The following ANO2 variants were observed in gnomAD, a reference collection of about 807,000 sequenced individuals.
The protein encoded by ANO2 is anoctamin 2.
In ANO2, 101 loss-of-function variants were observed where a neutral mutation model predicts 124.2. The ratio of observed to expected loss-of-function variants is 0.81; its 90% CI spans 0.69 to 0.96. The LOEUF is 0.96. Among genes scored for constraint, ANO2 ranks in the 40% least tolerant of loss-of-function variants. The pLI is 0.00. For synonymous variants in ANO2, 486 were observed against 482.5 expected, an observed-to-expected ratio of 1.01 and a Z score of -0.09; for missense variants, 1,293 against 1,274.5, an observed-to-expected ratio of 1.01 and a Z score of -0.22.
chr12:5,761,960 T>C (rs1338241282), intron 10 of ANO2, among the ~76,000 whole-genome samples: 1 of 152,154 alleles, frequency 6.6e-6, no homozygotes, highest in Non-Finnish European at 1.5e-5. Flanking sequence ...TAATTTGAGA[T>C]AATGACTAGC....
At chr12:5,767,865 G>A (rs1322835807) in intron 10 of ANO2, among the ~76,000 whole-genome samples, 1 of 152,174 alleles carries the variant, frequency 6.6e-6, no homozygotes, top group Non-Finnish European at 1.5e-5. Flanking sequence ...GACCCTGGAG[G>A]CTAAGCTTGT....
At position 5,892,591 on chromosome 12, in the gene ANO2, T is replaced by C. The variant is rs534124041; in HGVS notation, c.534+28449A>G. On this transcript the variant is annotated intron_variant, in intron 3 of 24. Transcript: ENST00000682330. ...AGTGATTTGAATGACCACAGATTTC[T>C]CATGAGGAGCCATGAAGGTCAGAAG... Among the ~76,000 whole-genome samples the C allele has an allele frequency of 3.9e-5, 6 of 152,318 alleles. No homozygotes were observed. The East Asian group carries it at 1.2e-3, about 29-fold the overall frequency.
At chr12:5,872,609 C>T (rs1360139872) in intron 3 of ANO2, among the ~76,000 whole-genome samples, 1 of 152,182 alleles carries the variant, frequency 6.6e-6, no homozygotes, top group Non-Finnish European at 1.5e-5. Flanking sequence ...TAGAAGAGTG[C>T]ACTTAATAGT....
intron 14 of ANO2, among the ~76,000 whole-genome samples, chr12:5,689,479 T>G (rs925868920): frequency 2.0e-5 from 3 of 152,162 alleles, no homozygotes; most frequent in African/African-American, 7.2e-5. Context: ...AATGTGGGCC[T>G]GGCCTCTCAG....
At position 5,575,911 on chromosome 12, in the gene ANO2, G is replaced by A; in HGVS notation, c.2544C>T (p.Ser848=). 1 of 1,613,790 alleles carries A rather than the reference G, an allele frequency of 6.2e-7. No individual in the cohort carries two copies. Among genetic ancestry groups the A allele is most frequent in the South Asian group, 1.1e-5 (1 of 90,964 alleles). The change falls in exon 23 of 25, where the codon TCC becomes TCT. Residue 848 remains serine, a synonymous_variant. Transcript: ENST00000682330. The part of the protein sequence containing the change: ...TLHGFVNHTL[S]FFNVSQLKEG... ...CCTTCAGCTGGCTGACGTTGAAAAA[G>A]GAGAGGGTGTGGTTGACAAAGCCGT... is the stretch of plus-strand genomic sequence containing the variant.
rs374474246 is a variant in ANO2 at position 5,781,149 on chromosome 12, T to C, written c.1055+18358A>G. 1.2e-4 allele frequency among the ~76,000 whole-genome samples: 19 copies of C among 152,328 alleles called. No homozygotes were observed. In the East Asian group the frequency reaches 1.9e-3, roughly 15 times the overall value. ...GAGCATTGCTGCCCTCATATCACTA[T>C]CAATGACCAGAACTTGGTTAATTAG... On this transcript the variant is annotated intron_variant, in intron 10 of 24. Transcript: ENST00000682330.
intron 10 of ANO2, among the ~76,000 whole-genome samples, chr12:5,762,740 C>G (rs1304225087): frequency 2.6e-5 from 4 of 151,786 alleles, no homozygotes; most frequent in African/African-American, 9.7e-5. Flanking sequence ...TTAAAATGAG[C>G]CTTAATATCA....
At chr12:5,644,120 T>C (rs1946518250) in intron 15 of ANO2, among the ~76,000 whole-genome samples, 2 of 152,200 alleles carry the variant, frequency 1.3e-5, no homozygotes, top group Admixed American at 1.3e-4. Context: ...AAAATATTTT[T>C]TTCTTATATA....
chr12:5,684,626 G>A (rs1948631573), intron 14 of ANO2, among the ~76,000 whole-genome samples: 1 of 152,098 alleles, frequency 6.6e-6, no homozygotes, highest in African/African-American at 2.4e-5. Flanking sequence ...ACTTCACCTA[G>A]GAAACCCACC....
Position 5,769,493 on chromosome 12 carries a change from A to G in ANO2, c.1056-18523T>C, listed in dbSNP as rs1206275322. On this transcript the variant is annotated intron_variant, in intron 10 of 24. Coordinates refer to ENST00000682330, the MANE Select transcript of ANO2 (RefSeq NM_001364791.2). This position sits in a 1 kb window ranked among gnomAD's most constrained non-coding sequence, Gnocchi z 4.0. ...AGGCATACAAGAGATGAGAGCTAGGAAAGTAAATTACAGCAAGAAAAACAA... is the reference window on the plus strand; with the variant it reads ...AGGCATACAAGAGATGAGAGCTAGGGAAGTAAATTACAGCAAGAAAAACAA... Among the ~76,000 whole-genome samples, 1 of 152,228 alleles carries G rather than the reference A, an allele frequency of 6.6e-6. No individual in the cohort carries two copies. The highest frequency in any genetic ancestry group is 1.5e-5 in the Non-Finnish European group (1 of 68,048).
At chr12:5,916,833 C>A (rs1480409455) in intron 3 of ANO2, among the ~76,000 whole-genome samples, 6 of 151,960 alleles carry the variant, frequency 3.9e-5, no homozygotes, top group African/African-American at 9.7e-5. Flanking sequence ...AATAAATAAC[C>A]CAAGTTATTG....
At chr12:5,639,450 T>A (rs1034948195) in intron 15 of ANO2, among the ~76,000 whole-genome samples, 1 of 152,030 alleles carries the variant, frequency 6.6e-6, no homozygotes, top group African/African-American at 2.4e-5. Context: ...TGGGAAAACA[T>A]AGACAATAAA....
chr12:5,876,271 T>C (rs1342774364), intron 3 of ANO2, among the ~76,000 whole-genome samples: 1 of 152,214 alleles, frequency 6.6e-6, no homozygotes, highest in Non-Finnish European at 1.5e-5. Flanking sequence ...ATCTGTCTTA[T>C]TCCAAAAAGG....
intron 23 of ANO2, among the ~76,000 whole-genome samples, chr12:5,569,196 C>A (rs1168387988): frequency 6.6e-6 from 1 of 152,168 alleles, no homozygotes; most frequent in Admixed American, 6.5e-5. Flanking sequence ...AGGTAAATAG[C>A]ATGAAATGGG....
intron 3 of ANO2, among the ~76,000 whole-genome samples, chr12:5,880,883 A>G (rs1469336712): frequency 4.1e-5 from 4 of 97,390 alleles, no homozygotes; most frequent in African/African-American, 1.0e-4. Flanking sequence ...TGGGTGGATG[A>G]GTGGATGGGT....
At chr12:5,812,086 G>C (rs1953406200) in intron 7 of ANO2, among the ~76,000 whole-genome samples, 1 of 147,108 alleles carries the variant, frequency 6.8e-6, no homozygotes, top group Non-Finnish European at 1.5e-5. Flanking sequence ...GGGAGAGGAA[G>C]GGATGGGAGG....
At chr12:5,610,723 C>CATATATACATATATATATATATATATAT (rs1555100504) in intron 19 of ANO2, among the ~76,000 whole-genome samples, 2,506 of 116,742 alleles carry the variant, frequency 0.021, 141 homozygotes, top group East Asian at 0.042. Flanking sequence ...CACATATATA[C>CATATATACATATATATATATATATATAT]ATATATATAT....
intron 3 of ANO2, among the ~76,000 whole-genome samples, chr12:5,866,725 G>A (rs1242917310): frequency 6.6e-6 from 1 of 152,242 alleles, no homozygotes; most frequent in East Asian, 1.9e-4. Flanking sequence ...AGGGGGCTGA[G>A]ACTGGCCTGT....
rs63415160 is a variant in ANO2 at position 5,603,944 on chromosome 12, C to CA, written c.2088-4316dup. Among the ~76,000 whole-genome samples, 375 of 74,092 alleles carry CA rather than the reference C, an allele frequency of 5.1e-3. 16 individuals carry two copies. The highest frequency in any genetic ancestry group is 0.016 in the East Asian group (37 of 2,260). 48.6% of individuals were successfully genotyped at this position (74,092 alleles called of 152,430 possible). On this transcript the variant is annotated intron_variant, in intron 19 of 24. Coordinates refer to ENST00000682330, the MANE Select transcript of ANO2 (RefSeq NM_001364791.2). ...TGGGTGAAAGAGCGAGATTCCGTCTCAAAAAAAAAAAAAAAAAAAAAGAAA... is the reference window on the plus strand; with the variant it reads ...TGGGTGAAAGAGCGAGATTCCGTCTCAAAAAAAAAAAAAAAAAAAAAAGAAA...
Sources: allele counts gnomAD v4.1 joint callset (sites outside exome capture counted in the v4.1 genomes callset), GRCh38; gene constraint gnomAD v4.1.1; non-coding constraint Gnocchi (gnomAD v3.1); transcripts MANE v1.5; gene names NCBI Gene and HGNC (gene_info 2026-07-23, HGNC 2026-07-21).